Variants in CYP19A1 observed in about 807,000 individuals in gnomAD.
The protein encoded by CYP19A1 is cytochrome P450 family 19 subfamily A member 1.
Under a neutral mutation model 44.4 loss-of-function variants are expected in CYP19A1, and 32 were observed. The observed-to-expected ratio is 0.72, with a 90% confidence interval of 0.54 to 0.97. CYP19A1 has a LOEUF of 0.97. Ranked by LOEUF, CYP19A1 falls within the 50% of genes least tolerant of loss-of-function variation. CYP19A1 has a pLI of 0.00. For missense variants in CYP19A1, 598 were observed against 637.8 expected (o/e 0.94, Z 0.67); for synonymous variants, 212 against 215.6 (o/e 0.98, Z 0.14).
At chr15:51,254,561 A>G (rs1211567194) in intron 1 of CYP19A1, among the ~76,000 whole-genome samples, 1 of 151,278 alleles carries the variant, frequency 6.6e-6, no homozygotes, top group Non-Finnish European at 1.5e-5. Flanking sequence ...TCATGGATCC[A>G]TCCTTCATAT....
intron 1 of CYP19A1, among the ~76,000 whole-genome samples, chr15:51,266,654 T>A (rs951100561): frequency 3.3e-5 from 5 of 152,228 alleles, no homozygotes; most frequent in Admixed American, 1.3e-4. Context: ...TAAAAACAGC[T>A]CATCTCTGCT....
At chr15:51,227,973 C>A in intron 3 of CYP19A1, 40 bp from the exon 4 acceptor site, 1 of 1,127,072 alleles carries the variant, frequency 8.9e-7, no homozygotes, top group South Asian at 1.2e-5. Flanking sequence ...TTTTAAGGGT[C>A]AGGAGAACTC....
intron 1 of CYP19A1, among the ~76,000 whole-genome samples, chr15:51,268,121 A>C (rs768418839): frequency 3.9e-5 from 6 of 152,234 alleles, no homozygotes; most frequent in Non-Finnish European, 8.8e-5. Flanking sequence ...TCGCCAAAGC[A>C]TAAGTAACAT....
intron 1 of CYP19A1, among the ~76,000 whole-genome samples, chr15:51,256,063 C>T (rs558507237): frequency 2.0e-5 from 3 of 152,336 alleles, no homozygotes; most frequent in Admixed American, 2.0e-4. Flanking sequence ...TTTCCACCAA[C>T]AAATGCTTAA....
intron 1 of CYP19A1, among the ~76,000 whole-genome samples, chr15:51,331,915 G>GTA (rs1470622413): frequency 4.0e-5 from 6 of 150,504 alleles, no homozygotes; most frequent in African/African-American, 1.5e-4. Flanking sequence ...TCTTGTATGT[G>GTA]TGTGTATATA....
At chr15:51,310,002 G>GC (rs1346970260) in intron 1 of CYP19A1, among the ~76,000 whole-genome samples, 1 of 152,176 alleles carries the variant, frequency 6.6e-6, no homozygotes, top group Non-Finnish European at 1.5e-5. Context: ...AAAACTTGGA[G>GC]CCATAGACTC....
intron 1 of CYP19A1, among the ~76,000 whole-genome samples, chr15:51,318,114 G>C (rs2141019273): frequency 6.6e-6 from 1 of 152,256 alleles, no homozygotes; most frequent in South Asian, 2.1e-4. Context: ...GGCTGTCACA[G>C]CTGGGGTGCT....
intron 1 of CYP19A1, among the ~76,000 whole-genome samples, chr15:51,269,365 T>A (rs780233168): frequency 7.2e-5 from 11 of 152,226 alleles, no homozygotes; most frequent in Non-Finnish European, 1.2e-4. Flanking sequence ...TCTGTTCTGT[T>A]CCATTAATCT....
intron 1 of CYP19A1, among the ~76,000 whole-genome samples, chr15:51,293,221 CATGTA>C (rs2035888293): frequency 6.6e-5 from 10 of 152,030 alleles, no homozygotes; most frequent in African/African-American, 2.2e-4. Flanking sequence ...AGAACTTGTT[CATGTA>C]ACCAAACACC....
In CYP19A1 at chr15:51,227,695, T is replaced by C. The variant is rs1595690442; in HGVS notation, c.451+84A>G. 2 of 394,078 alleles carry C rather than the reference T, an allele frequency of 5.1e-6. 1 individual carries two copies. Among genetic ancestry groups the C allele is most frequent in the Non-Finnish European group, 9.1e-6 (2 of 218,852 alleles). 24.4% of individuals were successfully genotyped at this position (394,078 alleles called of 1,614,324 possible). Reference sequence around the variant, plus strand: ...CTCAATAAATAAATAAATAAATAAATAAATAAAATATTTTAAAAATATGAT... The same window carrying C: ...CTCAATAAATAAATAAATAAATAAACAAATAAAATATTTTAAAAATATGAT... On this transcript the variant is annotated intron_variant, in intron 4 of 9. Coordinates refer to ENST00000396402, the MANE Select transcript of CYP19A1 (RefSeq NM_000103.4).
At chr15:51,254,287 G>A (rs2034435666) in intron 1 of CYP19A1, among the ~76,000 whole-genome samples, 1 of 152,202 alleles carries the variant, frequency 6.6e-6, no homozygotes, top group South Asian at 2.1e-4. Context: ...TTTAACTTAC[G>A]TCTCATAGTC....
At chr15:51,306,823 T>TTAG (rs983756389) in intron 1 of CYP19A1, among the ~76,000 whole-genome samples, 9 of 152,196 alleles carry the variant, frequency 5.9e-5, no homozygotes, top group Admixed American at 5.9e-4. Flanking sequence ...GGAGGGAAAT[T>TTAG]ATCTAGAGTC....
intron 6 of CYP19A1, among the ~76,000 whole-genome samples, chr15:51,218,223 T>C (rs1290756345): frequency 6.6e-6 from 1 of 152,194 alleles, no homozygotes; most frequent in Non-Finnish European, 1.5e-5. Context: ...TTGACAGATA[T>C]TAATGACAGG....
chr15:51,289,017 C>T (rs1218179709), intron 1 of CYP19A1, among the ~76,000 whole-genome samples: 2 of 152,138 alleles, frequency 1.3e-5, no homozygotes, highest in African/African-American at 2.4e-5. Flanking sequence ...GAACTAAGTG[C>T]GGGGTGTGGG....
chr15:51,247,244 C>T (rs2034101863), intron 1 of CYP19A1, among the ~76,000 whole-genome samples: 1 of 152,068 alleles, frequency 6.6e-6, no homozygotes, highest in Non-Finnish European at 1.5e-5. Flanking sequence ...GCTTTATTCT[C>T]CTTTTGAGAA....
chr15:51,318,118 G>T (rs1460778550), intron 1 of CYP19A1, among the ~76,000 whole-genome samples: 2 of 152,094 alleles, frequency 1.3e-5, no homozygotes, highest in African/African-American at 2.4e-5. Context: ...GTCACAGCTG[G>T]GGTGCTATCC....
chr15:51,323,244 CT>C (rs1396914868), intron 1 of CYP19A1, among the ~76,000 whole-genome samples: 1 of 152,204 alleles, frequency 6.6e-6, no homozygotes, highest in Non-Finnish European at 1.5e-5. Context: ...CTCCAGCCCT[CT>C]CTCTCCTTGC....
At chr15:51,315,969 G>T (rs1403142981) in intron 1 of CYP19A1, 3 of 152,156 alleles carry the variant, frequency 2.0e-5, no homozygotes, top group Non-Finnish European at 4.4e-5. Flanking sequence ...CAAGGCTTCC[G>T]AGTGACAGTT....
At chr15:51,270,941 C>A (rs1399114642) in intron 1 of CYP19A1, among the ~76,000 whole-genome samples, 1 of 152,196 alleles carries the variant, frequency 6.6e-6, no homozygotes, top group Non-Finnish European at 1.5e-5. Context: ...ACAACTGCCA[C>A]CCAGTCTGGT....
Sources: gnomAD v4.1 joint callset for allele counts (sites outside exome capture counted in the v4.1 genomes callset) on GRCh38, gnomAD v4.1.1 for gene constraint, MANE v1.5 for transcripts, NCBI Gene and HGNC (gene_info 2026-07-23, HGNC 2026-07-21) for gene names.